The following SORBS2 variants were observed in gnomAD, a reference collection of about 807,000 sequenced individuals.
SORBS2 encodes sorbin and SH3 domain containing 2, also known as sorbin and SH3 domain-containing protein 2.
Under a neutral mutation model 97.7 loss-of-function variants are expected in SORBS2, and 46 were observed. The observed-to-expected ratio is 0.47, with a 90% CI of 0.37 to 0.60. The LOEUF (loss-of-function observed/expected upper bound fraction) is 0.60. SORBS2 is among the 20% of genes least tolerant of loss of function. The probability of loss-of-function intolerance (pLI) is 0.00; values close to 1 mark genes in which losing one functional copy is unlikely to be tolerated. For missense variants in SORBS2, 1,316 were observed against 1,282.3 expected (o/e 1.03, Z -0.40); for synonymous variants, 476 against 473.4 (o/e 1.01, Z -0.07).
At chr4:185,751,179 A>AG in intron 2 of SORBS2, among the ~76,000 whole-genome samples, 1 of 138,134 alleles carries the variant, frequency 7.2e-6, no homozygotes, top group Non-Finnish European at 1.6e-5. Flanking sequence ...TACTAAAAAA[A>AG]AAAAAAAAAA....
chr4:185,778,086 T>C (rs2099008871), intron 1 of SORBS2, among the ~76,000 whole-genome samples: 1 of 152,246 alleles, frequency 6.6e-6, no homozygotes, highest in South Asian at 2.1e-4. Context: ...GTATGTTAAA[T>C]AGGATATTTT....
chr4:185,615,244 T>C (rs1581016675), intron 9 of SORBS2, 85 bp from the exon 22 acceptor site: 9 of 805,788 alleles, frequency 1.1e-5, no homozygotes, highest in Middle Eastern at 3.2e-4. Flanking sequence ...CTGCATTTGT[T>C]TGGCAAATAT....
chr4:185,702,659 CTTT>C (rs35920261), intron 2 of SORBS2, among the ~76,000 whole-genome samples: 2 of 147,502 alleles, frequency 1.4e-5, no homozygotes. Flanking sequence ...TGTTACATGA[CTTT>C]TTTTTTTTTT....
At position 185,684,461 on chromosome 4, in the gene SORBS2, C is replaced by T. The variant is rs1417637272; in HGVS notation, c.-197-5639G>A. Among the ~76,000 whole-genome samples, 1 of 151,834 alleles carries T rather than the reference C, an allele frequency of 6.6e-6. No homozygotes were observed. The highest frequency in any genetic ancestry group is 1.5e-5 in the Non-Finnish European group (1 of 67,964). On this transcript the variant is annotated intron_variant, in intron 2 of 20. Transcript: ENST00000284776. The surrounding 1 kb of genome is among the most constrained non-coding windows in gnomAD (Gnocchi z 4.2). ...AAATCCCTTTTTTCATCCTGTACCC[C>T]TGTACCCCTACCCCAAAAGTTTTTA...
intron 2 of SORBS2, among the ~76,000 whole-genome samples, chr4:185,768,353 A>T (rs2098948710): frequency 6.6e-6 from 1 of 152,184 alleles, no homozygotes; most frequent in Non-Finnish European, 1.5e-5. Flanking sequence ...ATTGCATTTC[A>T]AGACCATATC....
chr4:185,594,196 G>A (rs1429411517), intron 12 of SORBS2, among the ~76,000 whole-genome samples: 1 of 152,198 alleles, frequency 6.6e-6, no homozygotes, highest in African/African-American at 2.4e-5. Flanking sequence ...TTAAGGAAAA[G>A]TCAGGGTTTG....
chr4:185,756,168 C>G (rs6810502), intron 2 of SORBS2, among the ~76,000 whole-genome samples: 48,131 of 151,758 alleles, frequency 0.32, 7,960 homozygotes, highest in African/African-American at 0.4. Flanking sequence ...AAATCGAATA[C>G]AAGATGCTCA....
intron 1 of SORBS2, among the ~76,000 whole-genome samples, chr4:185,804,684 T>C (rs1466361215): frequency 6.6e-6 from 1 of 152,192 alleles, no homozygotes; most frequent in Admixed American, 6.5e-5. Flanking sequence ...TGGTAGCAAG[T>C]ACAGAGTGAA....
intron 1 of SORBS2, among the ~76,000 whole-genome samples, chr4:185,837,589 T>C (rs1198526007): frequency 3.3e-5 from 5 of 152,208 alleles, no homozygotes; most frequent in Admixed American, 2.6e-4. Flanking sequence ...ACTGAATAGG[T>C]TGAGGTAGAT....
intron 1 of SORBS2, among the ~76,000 whole-genome samples, chr4:185,889,149 C>T (rs1033684612): frequency 2.6e-5 from 4 of 152,180 alleles, no homozygotes; most frequent in Non-Finnish European, 5.9e-5. Flanking sequence ...CAAGGTTAAA[C>T]TTTCCAACTA....
chr4:185,834,129 G>C (rs528163438), intron 1 of SORBS2, among the ~76,000 whole-genome samples: 1 of 152,112 alleles, frequency 6.6e-6, no homozygotes, highest in Non-Finnish European at 1.5e-5. Flanking sequence ...GTCAATTCTC[G>C]TGCTGCTGTA....
intron 3 of SORBS2, 38 bp downstream of exon 12, chr4:185,649,429 A>G: frequency 6.7e-7 from 1 of 1,496,418 alleles, no homozygotes. Flanking sequence ...TTTTTATCCT[A>G]AGCGAAACAT....
intron 2 of SORBS2, among the ~76,000 whole-genome samples, chr4:185,698,500 T>G (rs922917765): frequency 6.8e-6 from 1 of 147,086 alleles, no homozygotes; most frequent in Non-Finnish European, 1.5e-5. Context: ...CTCAAAAAAA[T>G]GAAACAAAAC....
chr4:185,828,119 A>T (rs1159194356), intron 1 of SORBS2, among the ~76,000 whole-genome samples: 2 of 152,168 alleles, frequency 1.3e-5, no homozygotes, highest in African/African-American at 4.8e-5. Context: ...GGCTTTGGGG[A>T]TGTGTCCTTA....
chr4:185,767,198 T>A (rs1320981151), intron 2 of SORBS2, among the ~76,000 whole-genome samples: 3 of 152,144 alleles, frequency 2.0e-5, no homozygotes, highest in Non-Finnish European at 4.4e-5. Context: ...TTTCTTGTTT[T>A]ATTGAAAATG....
rs1283028355 is a variant in SORBS2 at position 185,606,712 on chromosome 4, G to T, written c.2796+5068C>A. The T allele has an allele frequency of 1.0e-6, 1 of 985,240 alleles. No individual in the cohort carries two copies. The highest frequency in any genetic ancestry group is 1.2e-6 in the Non-Finnish European group (1 of 829,906). 61.0% of individuals were successfully genotyped at this position (985,240 alleles called of 1,614,324 possible). A position where few individuals can be genotyped will look rare whatever the true frequency, so the allele number is the denominator to read the frequency against. On this transcript the variant is annotated intron_variant, in intron 12 of 14. Coordinates refer to ENST00000418609, the Ensembl canonical transcript of SORBS2. This position sits in a 1 kb window ranked among gnomAD's most constrained non-coding sequence, Gnocchi z 4.3. The stretch of plus-strand genomic sequence containing the variant: ...CTCCTCTTCAATGTGCAGGTGTGGG[G>T]TGCCCTCTGACCCATCGTGGCCACA...
At chr4:185,948,510 ATTTTTTTTT>A (rs34637572) in intron 1 of SORBS2, among the ~76,000 whole-genome samples, 2 of 87,736 alleles carry the variant, frequency 2.3e-5, no homozygotes, top group Admixed American at 1.5e-4. Flanking sequence ...ATGAATTTCA[ATTTTTTTTT>A]TTTTTTTTTT....
At chr4:185,632,999 A>G (rs2096932390) in intron 4 of SORBS2, among the ~76,000 whole-genome samples, 1 of 152,210 alleles carries the variant, frequency 6.6e-6, no homozygotes, top group Admixed American at 6.5e-5. Context: ...ATCTCCAGAA[A>G]AGAGGTTACA....
chr4:185,956,011 C>A (rs541062029), intron 1 of SORBS2, among the ~76,000 whole-genome samples: 8 of 152,268 alleles, frequency 5.3e-5, no homozygotes, highest in South Asian at 2.1e-4. Context: ...GCTTAAGCAA[C>A]GTAAAGTGTT....
Sources: allele counts gnomAD v4.1 joint callset (sites outside exome capture counted in the v4.1 genomes callset), GRCh38; gene constraint gnomAD v4.1.1; non-coding constraint Gnocchi (gnomAD v3.1); transcripts MANE v1.5; gene names NCBI Gene and HGNC (gene_info 2026-07-23, HGNC 2026-07-21).